The following PMM1 variants were observed in gnomAD, a reference collection of about 807,000 sequenced individuals.
PMM1 encodes brain glucose-1,6-bisphosphatase.
PMM1 carries 25 observed loss-of-function variants against 34.0 expected under a neutral mutation model. That is an observed-to-expected ratio of 0.73 (90% CI 0.54 to 1.03). The LOEUF is 1.03. Ranked by LOEUF, PMM1 falls within the 50% of genes least tolerant of loss-of-function variation. The probability of loss-of-function intolerance (pLI) is 0.00; values close to 1 mark genes in which losing one functional copy is unlikely to be tolerated. For synonymous variants in PMM1, 134 were observed against 143.9 expected, an observed-to-expected ratio of 0.93 and a Z score of 0.49; for missense variants, 321 against 350.1, an observed-to-expected ratio of 0.92 and a Z score of 0.66.
chr22:41,584,336 C>A lies in PMM1; in HGVS notation c.319G>T (p.Asp107Tyr). 1 of 1,614,118 alleles carries A rather than the reference C, an allele frequency of 6.2e-7. No homozygotes were observed. Among genetic ancestry groups the A allele is most frequent in the Non-Finnish European group, 8.5e-7 (1 of 1,180,008 alleles). ...TAGCTGAGGCAGAAGTTGATCAAGT[C>A]CTGCAGCAGCTCCTCCCCCAGGTGG... ...QNHLGEELLQ[D>Y]LINFCLSYMA... is the part of the protein sequence containing the mutation. Residue 107 changes from aspartate to tyrosine, a missense_variant, in exon 4 of 8, where the codon GAC (aspartate) becomes TAC (tyrosine). Coordinates refer to ENST00000216259, the MANE Select transcript of PMM1 (RefSeq NM_002676.3).
chr22:41,581,136 C>A lies in PMM1; in HGVS notation c.475-2255G>T, dbSNP rs978814217. On this transcript the variant is annotated intron_variant, in intron 5 of 7. Coordinates refer to ENST00000216259, the MANE Select transcript of PMM1 (RefSeq NM_002676.3). The stretch of plus-strand genomic sequence containing the variant: ...CTCAAAAAAAAAAAAAAAAAAAAAA[C>A]CCAAAACCAAACCAAAACCAAAACC... Among the ~76,000 whole-genome samples, 523 of 125,584 alleles carry A rather than the reference C, an allele frequency of 4.2e-3. 3 individuals are homozygous for A. Among genetic ancestry groups the A allele is most frequent in the Non-Finnish European group, 6.5e-3 (367 of 56,136 alleles). 82.4% of individuals were successfully genotyped at this position (125,584 alleles called of 152,430 possible). A position where few individuals can be genotyped will look rare whatever the true frequency, so the allele number is the denominator to read the frequency against.
intron 1 of PMM1, chr22:41,589,268 C>T (rs543792689): frequency 1.8e-5 from 9 of 489,448 alleles, no homozygotes; most frequent in African/African-American, 7.9e-5. Flanking sequence ...TGTCTCCCAC[C>T]AGATGATGAC....
rs1016536746 is a variant in PMM1, at chr22:41,588,966, C to A, written c.87+753G>T. On this transcript the variant is annotated intron_variant, in intron 1 of 7. Transcript: ENST00000216259. ...GTGAGGGGGCTTTTGGGGACTCACT[C>A]ACAATGAGACCCAATGGGAGAAAAA... The A allele has an allele frequency of 1.3e-5, 14 of 1,117,954 alleles. 1 individual carries two copies. In the Admixed American group the frequency reaches 3.4e-4, roughly 28 times the overall value. 69.3% of individuals were successfully genotyped at this position (1,117,954 alleles called of 1,614,324 possible).
chr22:41,581,755 G>A (rs755352468), intron 5 of PMM1, among the ~76,000 whole-genome samples: 1 of 152,140 alleles, frequency 6.6e-6, no homozygotes, highest in Admixed American at 6.6e-5. Context: ...TTGGCAGGCT[G>A]AGGCAGGCGG....
Position 41,586,962 on chromosome 22 carries a change from TAA to T in PMM1, c.88-771_88-770del, listed in dbSNP as rs566062876. Among the ~76,000 whole-genome samples, 670 of 89,400 alleles carry T rather than the reference TAA, an allele frequency of 7.5e-3. 1 individual carries two copies. Among genetic ancestry groups the T allele is most frequent in the Middle Eastern group, 0.035 (5 of 142 alleles). 58.6% of individuals were successfully genotyped at this position (89,400 alleles called of 152,430 possible). Reference sequence around the variant, plus strand: ...GTGAAACTCTGTTTCTACTAAAAATTAAAAAAAAAAAAAAAAAAAAATTGGCC... The same window carrying T: ...GTGAAACTCTGTTTCTACTAAAAATTAAAAAAAAAAAAAAAAAAATTGGCC... On this transcript the variant is annotated intron_variant, in intron 1 of 7. Coordinates refer to ENST00000216259, the MANE Select transcript of PMM1 (RefSeq NM_002676.3).
chr22:41,577,974 G>T, intron 6 of PMM1, 51 bp from the exon 7 acceptor site: 2 of 1,337,910 alleles, frequency 1.5e-6, no homozygotes, highest in Non-Finnish European at 2.1e-6. Flanking sequence ...GGCAGACAAG[G>T]CTAACAGAAG....
At chr22:41,589,607 C>T in intron 1 of PMM1, 112 bp downstream of exon 1, 2 of 925,616 alleles carry the variant, frequency 2.2e-6, no homozygotes, top group South Asian at 3.1e-5. Context: ...ACCGCCGCAT[C>T]CCACACTCGG....
intron 5 of PMM1, among the ~76,000 whole-genome samples, chr22:41,581,762 G>A (rs967109535): frequency 6.6e-6 from 1 of 152,132 alleles, no homozygotes; most frequent in Middle Eastern, 3.2e-3. Context: ...GCTGAGGCAG[G>A]CGGATCACGA....
rs2067182751 is a variant in PMM1, at chr22:41,577,149, C to T, written c.*169G>A. On this transcript the variant is annotated 3_prime_UTR_variant, in exon 8 of 8. Coordinates refer to ENST00000216259, the MANE Select transcript of PMM1 (RefSeq NM_002676.3). ...AGGACGAAGCCAGTGCCACTAGGAGCAGACTGGCTGGGGACGGTTGTCCAC... is the reference window on the plus strand; with the variant it reads ...AGGACGAAGCCAGTGCCACTAGGAGTAGACTGGCTGGGGACGGTTGTCCAC... 2.3e-6 allele frequency: 2 copies of T among 853,700 alleles called. No homozygotes were observed. The highest frequency in any genetic ancestry group is 3.0e-5 in the South Asian group (2 of 65,826). The allele number at this position is 853,700 out of a possible 1,614,324, so 52.9% of individuals were successfully genotyped here. A position where few individuals can be genotyped will look rare whatever the true frequency, so the allele number is the denominator to read the frequency against.
intron 5 of PMM1, among the ~76,000 whole-genome samples, chr22:41,580,918 C>A (rs1388372279): frequency 1.3e-5 from 2 of 152,022 alleles, no homozygotes; most frequent in East Asian, 1.9e-4. Flanking sequence ...AGATCGAGAC[C>A]ATCCTAGCCA....
chr22:41,578,257 C>G (rs935059279), intron 6 of PMM1, among the ~76,000 whole-genome samples: 3 of 151,986 alleles, frequency 2.0e-5, no homozygotes, highest in African/African-American at 7.3e-5. Context: ...GTCCCAGCAA[C>G]GGAGGAGGCC....
intron 7 of PMM1, 60 bp downstream of exon 7, chr22:41,577,748 C>A (rs1050572730): frequency 2.3e-6 from 3 of 1,302,924 alleles, no homozygotes; most frequent in Admixed American, 1.7e-5. Context: ...GGAGAAGCCA[C>A]CAGACCTGGC....
intron 6 of PMM1, 126 bp from the exon 7 acceptor site, chr22:41,578,049 C>T (rs544958856): frequency 4.6e-5 from 31 of 671,660 alleles, no homozygotes; most frequent in Middle Eastern, 2.5e-4. Flanking sequence ...GAATAGGACA[C>T]GGGACAGACT....
intron 5 of PMM1, chr22:41,580,108 G>C (rs1020637320): frequency 8.5e-5 from 13 of 152,364 alleles, no homozygotes; most frequent in African/African-American, 3.1e-4. Context: ...GCCGAGGCTG[G>C]CTGCACCTCC....
chr22:41,587,785 T>C (rs893819256), intron 1 of PMM1, among the ~76,000 whole-genome samples: 3 of 152,192 alleles, frequency 2.0e-5, no homozygotes, highest in Non-Finnish European at 2.9e-5. Flanking sequence ...CCACATTAAC[T>C]TGGGGAGCCG....
chr22:41,586,150 C>T lies in PMM1; in HGVS notation c.131G>A (p.Ser44Asn). 6.2e-7 allele frequency: 1 copy of T among 1,612,716 alleles called. No homozygotes were observed. Among genetic ancestry groups the T allele is most frequent in the Non-Finnish European group, 8.5e-7 (1 of 1,179,620 alleles). ...EVAAFLQKLR[S>N]RVQIGVVGGS... ...GCCCACCACACCGATCTGCACTCTA[C>T]TTCGTAGCTTCTGCAGGAAGGCGGC... is the stretch of plus-strand genomic sequence containing the variant. Residue 44 changes from serine to asparagine, a missense_variant, in exon 2 of 8, where the codon AGT (serine) becomes AAT (asparagine). Coordinates refer to ENST00000216259, the MANE Select transcript of PMM1 (RefSeq NM_002676.3).
chr22:41,588,409 T>G (rs1005141641), intron 1 of PMM1, among the ~76,000 whole-genome samples: 1 of 152,198 alleles, frequency 6.6e-6, no homozygotes. Flanking sequence ...TTAGTAGAGA[T>G]AGGGTTTCAC....
chr22:41,581,211 C>T (rs1005035117), intron 5 of PMM1, among the ~76,000 whole-genome samples: 1 of 151,744 alleles, frequency 6.6e-6, no homozygotes, highest in Non-Finnish European at 1.5e-5. Flanking sequence ...GTAATCCCAG[C>T]TACTCAGGAG....
chr22:41,588,313 G>A (rs929137341), intron 1 of PMM1, among the ~76,000 whole-genome samples: 5 of 152,220 alleles, frequency 3.3e-5, no homozygotes, highest in African/African-American at 9.7e-5. Context: ...TCTGCCTCTC[G>A]GGTTCAAGTG....
Sources: allele counts gnomAD v4.1 joint callset (sites outside exome capture counted in the v4.1 genomes callset), GRCh38; gene constraint gnomAD v4.1.1; transcripts MANE v1.5; gene names NCBI Gene and HGNC (gene_info 2026-07-23, HGNC 2026-07-21).